Variants in RASSF8 observed in about 807,000 individuals in gnomAD.
RASSF8 encodes Ras association domain family member 8, also known as ras association domain-containing protein 8.
Under a neutral mutation model 48.5 loss-of-function variants are expected in RASSF8, and 22 were observed. That is an observed-to-expected ratio of 0.45 (90% CI 0.32 to 0.65). The LOEUF (loss-of-function observed/expected upper bound fraction) is 0.65. RASSF8 is among the 30% of genes least tolerant of loss of function. RASSF8 has a pLI of 0.03. For synonymous variants in RASSF8, 127 were observed against 171.5 expected (o/e 0.74, Z 2.03); for missense variants, 418 against 489.2 (o/e 0.85, Z 1.37).
chr12:25,969,690 T>G (rs1941439296), intron 1 of RASSF8, among the ~76,000 whole-genome samples: 1 of 152,126 alleles, frequency 6.6e-6, no homozygotes, highest in Non-Finnish European at 1.5e-5. Context: ...TCCTGGAACT[T>G]TCCAAGTTTT....
At chr12:26,077,943 G>A (rs1944086040) in intron 5 of RASSF8, among the ~76,000 whole-genome samples, 1 of 152,238 alleles carries the variant, frequency 6.6e-6, no homozygotes, top group South Asian at 2.1e-4. Flanking sequence ...AAAGAGGGAA[G>A]ATGTGGGCTT....
chr12:26,071,200 T>G lies in RASSF8; in HGVS notation c.*2382T>G, dbSNP rs1326273164. 4.1e-6 allele frequency: 4 copies of G among 980,182 alleles called. No homozygotes were observed. The Admixed American group carries it at 1.8e-4, about 45-fold the overall frequency. The allele number at this position is 980,182 out of a possible 1,614,324, so 60.7% of individuals were successfully genotyped here. A position where few individuals can be genotyped will look rare whatever the true frequency, so the allele number is the denominator to read the frequency against. On this transcript the variant is annotated 3_prime_UTR_variant, in exon 6 of 6. Coordinates refer to ENST00000689635, the MANE Select transcript of RASSF8 (RefSeq NM_001394098.1). ...AAGACTCAGAGGGAAAAAAACTCGT[T>G]TTCATAGGATCATCTGAAGATACTT...
intron 2 of RASSF8, among the ~76,000 whole-genome samples, chr12:26,009,066 G>T (rs1363641515): frequency 6.6e-6 from 1 of 152,132 alleles, no homozygotes; most frequent in Non-Finnish European, 1.5e-5. Context: ...TTCTGTAGCA[G>T]CATTCCCAAG....
chr12:25,983,411 C>T (rs1941790298), intron 1 of RASSF8, among the ~76,000 whole-genome samples: 1 of 152,202 alleles, frequency 6.6e-6, no homozygotes, highest in African/African-American at 2.4e-5. Context: ...AATTCACTTA[C>T]TGACACATGT....
intron 2 of RASSF8, among the ~76,000 whole-genome samples, chr12:26,046,148 A>G (rs763573651): frequency 1.3e-5 from 2 of 151,878 alleles, no homozygotes; most frequent in South Asian, 2.1e-4. Context: ...TTTGAACACC[A>G]CCTCTTTCTT....
chr12:26,004,517 A>C (rs904364653), intron 2 of RASSF8, among the ~76,000 whole-genome samples: 3 of 152,192 alleles, frequency 2.0e-5, no homozygotes, highest in African/African-American at 7.2e-5. Context: ...CCTATTGTTG[A>C]CCAGAAGGCT....
chr12:26,073,845 CACACATATATAT>C (rs2137352219), downstream of RASSF8, among the ~76,000 whole-genome samples: 2 of 134,424 alleles, frequency 1.5e-5, no homozygotes, highest in South Asian at 5.3e-4. Context: ...CACACACACA[CACACATATATAT>C]ATATTTAGCC....
At chr12:25,994,845 C>T (rs1039217003) in intron 1 of RASSF8, among the ~76,000 whole-genome samples, 192 bp from the exon 2 acceptor site, 6 of 152,188 alleles carry the variant, frequency 3.9e-5, no homozygotes, top group African/African-American at 1.4e-4. Flanking sequence ...CAAACAAACC[C>T]ACCCCACAAG....
At chr12:26,006,189 C>CT (rs1383898507) in intron 2 of RASSF8, among the ~76,000 whole-genome samples, 1 of 152,160 alleles carries the variant, frequency 6.6e-6, no homozygotes, top group African/African-American at 2.4e-5. Flanking sequence ...TATCTCTATC[C>CT]TTTTCTTCTT....
At chr12:25,994,192 C>A (rs1026465489) in intron 1 of RASSF8, among the ~76,000 whole-genome samples, 2 of 151,894 alleles carry the variant, frequency 1.3e-5, no homozygotes, top group Non-Finnish European at 2.9e-5. Context: ...CATATTATTT[C>A]ATGACTAGGA....
chr12:25,965,286 A>C (rs1403228165), intron 1 of RASSF8, among the ~76,000 whole-genome samples: 2 of 151,882 alleles, frequency 1.3e-5, no homozygotes, highest in African/African-American at 4.8e-5. Flanking sequence ...TAAACTGCAC[A>C]TACCTAACTG....
chr12:26,041,270 A>C (rs1943259556), intron 2 of RASSF8, among the ~76,000 whole-genome samples: 1 of 152,158 alleles, frequency 6.6e-6, no homozygotes, highest in South Asian at 2.1e-4. Context: ...GTTGAAACAC[A>C]AGCTGAGTTT....
chr12:26,007,712 G>A (rs1211260588), intron 2 of RASSF8, among the ~76,000 whole-genome samples: 1 of 152,212 alleles, frequency 6.6e-6, no homozygotes, highest in Non-Finnish European at 1.5e-5. Context: ...GGGGATGGCT[G>A]ACTTAAAAGC....
In RASSF8 at chr12:26,069,076, T is replaced by G; in HGVS notation, c.*258T>G. On this transcript the variant is annotated 3_prime_UTR_variant, in exon 6 of 6. Transcript: ENST00000689635. ...AAAGCCTTCGTTTTTATTTGTAGCA[T>G]TTTGAGAGCTTTAGGAAAGTATTAT... is the stretch of plus-strand genomic sequence containing the variant. 8.8e-7 allele frequency: 1 copy of G among 1,137,120 alleles called. No homozygotes were observed. The highest frequency in any genetic ancestry group is 1.1e-6 in the Non-Finnish European group (1 of 923,140). The allele number at this position is 1,137,120 out of a possible 1,614,324, so 70.4% of individuals were successfully genotyped here.
At chr12:25,976,850 C>T (rs1387500366) in intron 1 of RASSF8, among the ~76,000 whole-genome samples, 1 of 152,144 alleles carries the variant, frequency 6.6e-6, no homozygotes, top group Non-Finnish European at 1.5e-5. Context: ...AAGAACAAGC[C>T]CAGTGTGTTA....
intron 1 of RASSF8, among the ~76,000 whole-genome samples, chr12:25,966,246 T>A (rs1342053202): frequency 2.6e-5 from 4 of 152,236 alleles, no homozygotes; most frequent in Non-Finnish European, 5.9e-5. Flanking sequence ...TGTGGGTTTT[T>A]AAAATTTTTA....
intron 3 of RASSF8, among the ~76,000 whole-genome samples, chr12:26,058,538 G>GCGCACGCA (rs377669426): frequency 0.088 from 13,148 of 149,006 alleles, 589 homozygotes; most frequent in Middle Eastern, 0.13. Flanking sequence ...ACGCGCGCGC[G>GCGCACGCA]CACACACACA....
chr12:26,001,242 C>A (rs1186635834), intron 2 of RASSF8, among the ~76,000 whole-genome samples: 1 of 149,982 alleles, frequency 6.7e-6, no homozygotes, highest in Non-Finnish European at 1.5e-5. Flanking sequence ...ACTATGTTGC[C>A]CAGGCTGGAG....
intron 3 of RASSF8, among the ~76,000 whole-genome samples, chr12:26,062,316 G>C (rs909771764): frequency 2.0e-5 from 3 of 152,156 alleles, no homozygotes; most frequent in Non-Finnish European, 4.4e-5. Flanking sequence ...AAAATCATTG[G>C]AAACATTTTT....
Sources: gnomAD v4.1 joint callset for allele counts (sites outside exome capture counted in the v4.1 genomes callset) on GRCh38, gnomAD v4.1.1 for gene constraint, MANE v1.5 for transcripts, NCBI Gene and HGNC (gene_info 2026-07-23, HGNC 2026-07-21) for gene names.